CNTN5: variants seen among roughly 807,000 people sequenced by gnomAD.
CNTN5 encodes contactin-5.
CNTN5 carries 77 observed loss-of-function variants against 129.1 expected under a neutral mutation model. The ratio of observed to expected loss-of-function variants is 0.60; its 90% confidence interval spans 0.50 to 0.72. The LOEUF (loss-of-function observed/expected upper bound fraction) is 0.72. CNTN5 is among the 30% of genes least tolerant of loss of function. The pLI, the probability that CNTN5 is intolerant of heterozygous loss-of-function variation, is 0.00. For missense variants in CNTN5, 1,478 were observed against 1,328.8 expected (o/e 1.11, Z -1.75); for synonymous variants, 509 against 465.6 (o/e 1.09, Z -1.20).
At chr11:99,547,955 T>C (rs1019675372) in intron 2 of CNTN5, among the ~76,000 whole-genome samples, 9 of 152,146 alleles carry the variant, frequency 5.9e-5, no homozygotes, top group Admixed American at 6.5e-5. Context: ...AGCTTCGTTA[T>C]CTGTAAAATG....
At chr11:99,740,365 C>A (rs922839318) in intron 3 of CNTN5, among the ~76,000 whole-genome samples, 1 of 151,964 alleles carries the variant, frequency 6.6e-6, no homozygotes, top group African/African-American at 2.4e-5. Context: ...GTCATGGGTG[C>A]ATGGTAAATA....
intron 13 of CNTN5, among the ~76,000 whole-genome samples, chr11:100,181,298 A>C (rs1261223102): frequency 4.6e-5 from 7 of 152,026 alleles, no homozygotes; most frequent in Non-Finnish European, 1.0e-4. Flanking sequence ...GATTGAAAAA[A>C]ACCAATCCCC....
chr11:99,644,974 A>C (rs1371433469), intron 3 of CNTN5, among the ~76,000 whole-genome samples: 1 of 151,978 alleles, frequency 6.6e-6, no homozygotes, highest in Non-Finnish European at 1.5e-5. Context: ...ATATGAAAAA[A>C]AAAATTTTGA....
At chr11:99,033,176 T>C (rs1272947905) in intron 1 of CNTN5, among the ~76,000 whole-genome samples, 1 of 151,188 alleles carries the variant, frequency 6.6e-6, no homozygotes, top group African/African-American at 2.5e-5. Flanking sequence ...TGTAGCCTTG[T>C]AGTATAGTTT....
At chr11:99,562,556 A>G (rs894141058) in intron 3 of CNTN5, among the ~76,000 whole-genome samples, 1 of 152,188 alleles carries the variant, frequency 6.6e-6, no homozygotes, top group Admixed American at 6.5e-5. Context: ...TGTTAATAGG[A>G]AAAACTGGTT....
At position 100,191,125 on chromosome 11, in the gene CNTN5, G is replaced by C; in HGVS notation, c.1581-1G>C. ...AAAAACTGTTTTTAAATAATTTTCAGAATAGCTATTCTTCCAGACGGGAGT... is the reference window on the plus strand; with the variant it reads ...AAAAACTGTTTTTAAATAATTTTCACAATAGCTATTCTTCCAGACGGGAGT... On this transcript the variant is annotated splice_acceptor_variant, in intron 13 of 24. Transcript: ENST00000524871. LOFTEE classifies it high-confidence loss of function. The C allele has an allele frequency of 1.3e-6, 2 of 1,580,318 alleles. No individual in the cohort carries two copies. Among genetic ancestry groups the C allele is most frequent in the Non-Finnish European group, 1.7e-6 (2 of 1,165,342 alleles).
At chr11:99,923,636 T>C (rs926291634) in intron 7 of CNTN5, among the ~76,000 whole-genome samples, 7 of 152,220 alleles carry the variant, frequency 4.6e-5, no homozygotes, top group Non-Finnish European at 8.8e-5. Flanking sequence ...TTTAGTTCTT[T>C]GAGAAATGTC....
chr11:99,534,846 A>T (rs948043371), intron 2 of CNTN5, among the ~76,000 whole-genome samples: 5 of 152,110 alleles, frequency 3.3e-5, no homozygotes, highest in African/African-American at 9.7e-5. Context: ...TCTGGTAGTG[A>T]TAAGTCAACT....
intron 3 of CNTN5, among the ~76,000 whole-genome samples, chr11:99,753,946 C>G (rs569172182): frequency 2.0e-5 from 3 of 150,228 alleles, no homozygotes; most frequent in Non-Finnish European, 3.0e-5. Flanking sequence ...CCTCAGCCCC[C>G]CAAAGTTCTG....
intron 3 of CNTN5, among the ~76,000 whole-genome samples, chr11:99,676,978 A>G (rs1953315389): frequency 6.6e-6 from 1 of 152,118 alleles, no homozygotes; most frequent in African/African-American, 2.4e-5. Context: ...ATGTTTGACT[A>G]CACTTTTAGA....
chr11:99,777,881 T>G (rs542274392), intron 3 of CNTN5, among the ~76,000 whole-genome samples: 1 of 151,982 alleles, frequency 6.6e-6, no homozygotes, highest in African/African-American at 2.4e-5. Flanking sequence ...TTATACAGAT[T>G]ATATATAATA....
intron 2 of CNTN5, among the ~76,000 whole-genome samples, chr11:99,363,696 T>C (rs1251772150): frequency 6.6e-6 from 1 of 151,912 alleles, no homozygotes; most frequent in Non-Finnish European, 1.5e-5. Context: ...TCAAACAAAA[T>C]AAATCCCATG....
At chr11:99,248,126 G>A (rs980093936) in intron 1 of CNTN5, among the ~76,000 whole-genome samples, 1 of 152,128 alleles carries the variant, frequency 6.6e-6, no homozygotes, top group East Asian at 1.9e-4. Context: ...AGCACCTGTT[G>A]TTTCCTGACG....
intron 3 of CNTN5, among the ~76,000 whole-genome samples, chr11:99,760,072 G>T (rs1293428620): frequency 1.3e-5 from 2 of 152,132 alleles, no homozygotes; most frequent in Non-Finnish European, 2.9e-5. Context: ...ATATGTAGTA[G>T]TGAGATGAAA....
intron 2 of CNTN5, among the ~76,000 whole-genome samples, chr11:99,397,886 A>G (rs1504721): frequency 6.6e-6 from 1 of 151,548 alleles, no homozygotes; most frequent in Admixed American, 6.6e-5. Flanking sequence ...TGTTGCTTTT[A>G]TGGTCTCTTA....
At chr11:99,901,805 A>G (rs1295430888) in intron 6 of CNTN5, among the ~76,000 whole-genome samples, 1 of 152,202 alleles carries the variant, frequency 6.6e-6, no homozygotes, top group Non-Finnish European at 1.5e-5. Context: ...ACATGGTGCT[A>G]GATGCTGGAT....
rs1228581096 is a variant in CNTN5 at position 100,352,810 on chromosome 11, G to A, written c.3199+1940G>A. Among the ~76,000 whole-genome samples, 6 of 151,788 alleles carry A rather than the reference G, an allele frequency of 4.0e-5. No individual in the cohort carries two copies. In the East Asian group the frequency reaches 1.2e-3, roughly 29 times the overall value. ...TTCACAATTGAACTGTTCAGATGAA[G>A]GCTGAATTTTCAAGAGCATCTTAAA... is the stretch of plus-strand genomic sequence containing the variant. On this transcript the variant is annotated intron_variant, in intron 24 of 24. Coordinates refer to ENST00000524871, the MANE Select transcript of CNTN5 (RefSeq NM_014361.4).
chr11:99,958,858 G>C (rs116299058), intron 8 of CNTN5, among the ~76,000 whole-genome samples: 206 of 152,032 alleles, frequency 1.4e-3, no homozygotes, highest in African/African-American at 4.7e-3. Context: ...CTTTATATTT[G>C]AATAGTGCCT....
At position 99,620,510 on chromosome 11, in the gene CNTN5, T is replaced by TTTC. The variant is rs200524203; in HGVS notation, c.55+64243_55+64244insCTT. ...TCTTAAAACTCTTTTTTTCTTTTCT[T>TTTC]TTTTTTTTTTTTCTTTTTGCTCTTT... On this transcript the variant is annotated intron_variant, in intron 3 of 24. Transcript: ENST00000524871. Among the ~76,000 whole-genome samples, 246 of 82,270 alleles carry TTTC rather than the reference T, an allele frequency of 3.0e-3. 3 individuals are homozygous for TTTC. The highest frequency in any genetic ancestry group is 0.018 in the East Asian group (53 of 3,000). The allele number at this position is 82,270 out of a possible 152,430, so 54.0% of individuals were successfully genotyped here.
Sources: gnomAD v4.1 joint callset for allele counts (sites outside exome capture counted in the v4.1 genomes callset) on GRCh38, gnomAD v4.1.1 for gene constraint, MANE v1.5 for transcripts, NCBI Gene and HGNC (gene_info 2026-07-23, HGNC 2026-07-21) for gene names.